Variants in FAM110A observed in about 807,000 individuals in gnomAD.
FAM110A encodes the protein protein FAM110A.
FAM110A carries 1 observed loss-of-function variant against 4.0 expected under a neutral mutation model. The observed-to-expected ratio is 0.25, with a 90% confidence interval of 0.09 to 1.20. The LOEUF (loss-of-function observed/expected upper bound fraction) is 1.20. FAM110A is among the 50% of genes most tolerant of loss of function. The pLI is 0.50. For synonymous variants in FAM110A, 217 were observed against 196.8 expected (o/e 1.10, Z -0.86); for missense variants, 436 against 429.2 (o/e 1.02, Z -0.14).
Position 845,743 on chromosome 20 carries a change from G to T in FAM110A, c.*51G>T. 1 of 1,609,186 alleles carries T rather than the reference G, an allele frequency of 6.2e-7. No homozygotes were observed. The highest frequency in any genetic ancestry group is 8.5e-7 in the Non-Finnish European group (1 of 1,177,880). ...CAGGACGGATCTTACAGAGGCAAGT[G>T]GTCCCTGGACCTCTCTTGCATCCAT... On this transcript the variant is annotated 3_prime_UTR_variant, in exon 2 of 2. Coordinates refer to ENST00000381941, the MANE Select transcript of FAM110A (RefSeq NM_001042353.3).
chr20:845,910 T>C lies in FAM110A; in HGVS notation c.*218T>C. On this transcript the variant is annotated 3_prime_UTR_variant, in exon 2 of 2. Transcript: ENST00000381941. Reference sequence around the variant, plus strand: ...TGGCTTTGGACACCTGAGAACCCCCTCCTCCCCTCCCCCAATACAAGGTTT... The same window carrying C: ...TGGCTTTGGACACCTGAGAACCCCCCCCTCCCCTCCCCCAATACAAGGTTT... The C allele has an allele frequency of 1.1e-6, 1 of 918,164 alleles. No homozygotes were observed. 56.9% of individuals were successfully genotyped at this position (918,164 alleles called of 1,614,324 possible).
Position 840,270 on chromosome 20 carries a change from G to T in FAM110A, c.-97-4438G>T, listed in dbSNP as rs1320816380. Among the ~76,000 whole-genome samples, 1 of 152,120 alleles carries T rather than the reference G, an allele frequency of 6.6e-6. No individual in the cohort carries two copies. Among genetic ancestry groups the T allele is most frequent in the Non-Finnish European group, 1.5e-5 (1 of 68,022 alleles). On this transcript the variant is annotated intron_variant, in intron 1 of 1. Coordinates refer to ENST00000381941, the MANE Select transcript of FAM110A (RefSeq NM_001042353.3). The surrounding 1 kb of genome is among the most constrained non-coding windows in gnomAD (Gnocchi z 4.4). ...ATCACTGCCGGTCTCCTCATGCCCT[G>T]TACCCTAGTCCTGGCCCAGCTCCCA...
intron 1 of FAM110A, chr20:839,773 A>G: frequency 1.4e-6 from 2 of 1,475,548 alleles, no homozygotes; most frequent in Middle Eastern, 2.2e-4. Flanking sequence ...GTAAGGTACC[A>G]GTAGAAATGT....
At chr20:835,487 C>G (rs1191143789) in intron 1 of FAM110A, among the ~76,000 whole-genome samples, 1 of 151,974 alleles carries the variant, frequency 6.6e-6, no homozygotes, top group African/African-American at 2.4e-5. Context: ...GCGTGCCAGG[C>G]CCTTCCCCAA....
chr20:835,833 G>A (rs959717453), intron 1 of FAM110A, among the ~76,000 whole-genome samples: 2 of 152,210 alleles, frequency 1.3e-5, no homozygotes, highest in Non-Finnish European at 2.9e-5. Flanking sequence ...TGCCCTGCTG[G>A]CTGGCCCCTT....
chr20:840,510 G>C lies in FAM110A; in HGVS notation c.-97-4198G>C, dbSNP rs1979828610. On this transcript the variant is annotated intron_variant, in intron 1 of 1. Transcript: ENST00000381941. This position sits in a 1 kb window ranked among gnomAD's most constrained non-coding sequence, Gnocchi z 4.4. Reference sequence around the variant, plus strand: ...CCTTCCTGCAGGGCTGCAGTCTCATGGGATTAAATGAGGGGGCTCTGGGGA... The same window carrying C: ...CCTTCCTGCAGGGCTGCAGTCTCATCGGATTAAATGAGGGGGCTCTGGGGA... Among the ~76,000 whole-genome samples the C allele has an allele frequency of 6.6e-6, 1 of 152,244 alleles. No homozygotes were observed. Among genetic ancestry groups the C allele is most frequent in the Non-Finnish European group, 1.5e-5 (1 of 68,038 alleles).
In FAM110A at chr20:833,802, G is replaced by A. The variant is rs893121113; in HGVS notation, c.-247G>A. 1.3e-5 allele frequency: 2 copies of A among 152,254 alleles called. No homozygotes were observed. Among genetic ancestry groups the A allele is most frequent in the East Asian group, 1.9e-4 (1 of 5,192 alleles). 9.4% of individuals were successfully genotyped at this position (152,254 alleles called of 1,614,324 possible). ...CACCCGCTCAGCTCGACCGCGGAGG[G>A]CAGCTCCAAAGGGGACCCCAAAGGT... On this transcript the variant is annotated 5_prime_UTR_variant, in exon 1 of 2. Transcript: ENST00000381941. The surrounding 1 kb of genome is among the most constrained non-coding windows in gnomAD (Gnocchi z 4.1).
At chr20:835,932 A>C (rs967897180) in intron 1 of FAM110A, 1 of 152,148 alleles carries the variant, frequency 6.6e-6, no homozygotes, top group South Asian at 2.1e-4. Context: ...GGAAAGAAAG[A>C]AGCAGGTGGG....
chr20:835,256 GTA>G (rs1430394121), intron 1 of FAM110A, among the ~76,000 whole-genome samples: 2 of 149,430 alleles, frequency 1.3e-5, no homozygotes, highest in Non-Finnish European at 1.5e-5. Context: ...GTATATATAT[GTA>G]TGTGTGTATA....
intron 1 of FAM110A, among the ~76,000 whole-genome samples, chr20:838,293 CTCTT>C (rs901397989): frequency 1.3e-4 from 20 of 152,360 alleles, no homozygotes; most frequent in Non-Finnish European, 1.3e-4. Context: ...CTTTCTTCCT[CTCTT>C]TCTTTCTTCT....
rs956720228 is a variant in FAM110A, at chr20:844,322, C to A, written c.-97-386C>A. On this transcript the variant is annotated intron_variant, in intron 1 of 1. Transcript: ENST00000381941. ...CCTCTCTGGGCTTCAGTTTCTCCAT[C>A]CAAAAAACGGGGCTGTTGAGAGGAC... Among the ~76,000 whole-genome samples, 49 of 152,330 alleles carry A rather than the reference C, an allele frequency of 3.2e-4. 1 individual carries two copies. Among genetic ancestry groups the A allele is most frequent in the African/African-American group, 1.2e-3 (48 of 41,588 alleles).
chr20:844,485 C>G (rs1192536423), intron 1 of FAM110A, among the ~76,000 whole-genome samples: 4 of 151,718 alleles, frequency 2.6e-5, no homozygotes, highest in Admixed American at 2.6e-4. Flanking sequence ...TTTTTCCTCT[C>G]TTGGTCTCAG....
At position 845,567 on chromosome 20, in the gene FAM110A, A is replaced by G. The variant is rs1017203009; in HGVS notation, c.763A>G (p.Thr255Ala). Reference sequence around the variant, plus strand: ...GGGCTGCTCCCGCCGCAGCTCGGTGACTGTTGAGGAGCGGGCCCGGGAGCG... The same window carrying G: ...GGGCTGCTCCCGCCGCAGCTCGGTGGCTGTTGAGGAGCGGGCCCGGGAGCG... The part of the protein sequence containing the change: ...EGGCSRRSSV[T>A]VEERARERVP... Residue 255 changes from threonine (T) to alanine (A), a missense_variant, in exon 2 of 2, where the codon ACT becomes GCT. Coordinates refer to ENST00000381941, the MANE Select transcript of FAM110A (RefSeq NM_001042353.3). 6.2e-7 allele frequency: 1 copy of G among 1,613,582 alleles called. No individual in the cohort carries two copies. The highest frequency in any genetic ancestry group is 8.5e-7 in the Non-Finnish European group (1 of 1,179,902).
chr20:836,954 C>T (rs1309952014), intron 1 of FAM110A, among the ~76,000 whole-genome samples: 1 of 151,676 alleles, frequency 6.6e-6, no homozygotes, highest in Non-Finnish European at 1.5e-5. Context: ...ATTTACATTT[C>T]CCTAATGACT....
At chr20:839,973 A>G (rs1274432954) in intron 1 of FAM110A, 12 of 1,422,760 alleles carry the variant, frequency 8.4e-6, no homozygotes, top group African/African-American at 7.0e-5. Flanking sequence ...CTTAGGCATC[A>G]GCATCTTGGC....
intron 1 of FAM110A, among the ~76,000 whole-genome samples, chr20:843,558 T>C (rs1980064111): frequency 6.6e-6 from 1 of 152,254 alleles, no homozygotes; most frequent in South Asian, 2.1e-4. Flanking sequence ...AGCACGGGTC[T>C]AGATGGCTTG....
Position 845,632 on chromosome 20 carries a change from C to A in FAM110A, c.828C>A (p.Arg276=), listed in dbSNP as rs1980300501. 1.2e-6 allele frequency: 2 copies of A among 1,613,958 alleles called. No individual in the cohort carries two copies. The highest frequency in any genetic ancestry group is 1.7e-6 in the Non-Finnish European group (2 of 1,180,036). ...TGTCGGTGGTGGAGCGCAATGCCCGCGTGATCAAGTGGTTGTATGGGCTAA... is the reference window on the plus strand; with the variant it reads ...TGTCGGTGGTGGAGCGCAATGCCCGAGTGATCAAGTGGTTGTATGGGCTAA... ...YGVSVVERNA[R]VIKWLYGLRQ... Residue 276 remains arginine, a synonymous_variant, in exon 2 of 2, where the codon CGC becomes CGA. Coordinates refer to ENST00000381941, the MANE Select transcript of FAM110A (RefSeq NM_001042353.3).
intron 1 of FAM110A, among the ~76,000 whole-genome samples, chr20:841,765 G>A (rs1388646485): frequency 6.6e-6 from 1 of 152,206 alleles, no homozygotes; most frequent in Admixed American, 6.5e-5. Flanking sequence ...GTGAGAGGAG[G>A]CCTCAGAGGG....
At chr20:841,969 G>C (rs1466708265) in intron 1 of FAM110A, among the ~76,000 whole-genome samples, 1 of 152,246 alleles carries the variant, frequency 6.6e-6, no homozygotes, top group East Asian at 1.9e-4. Flanking sequence ...CTGCGTGGGG[G>C]TGGTCTGTGG....
Sources: gnomAD v4.1 joint callset for allele counts (sites outside exome capture counted in the v4.1 genomes callset) on GRCh38, gnomAD v4.1.1 for gene constraint, Gnocchi (gnomAD v3.1) non-coding constraint, MANE v1.5 for transcripts, NCBI Gene and HGNC (gene_info 2026-07-23, HGNC 2026-07-21) for gene names.